The following NPR3 variants were observed in gnomAD, a reference collection of about 807,000 sequenced individuals.
NPR3 encodes the protein natriuretic peptide receptor 3.
NPR3 carries 34 observed loss-of-function variants against 54.5 expected under a neutral mutation model. That is an observed-to-expected ratio of 0.62 (90% CI 0.47 to 0.83). The LOEUF is 0.83. Ranked by LOEUF, NPR3 falls within the 40% of genes least tolerant of loss-of-function variation. The pLI is 0.00. For synonymous variants in NPR3, 289 were observed against 297.1 expected (o/e 0.97, Z 0.28); for missense variants, 674 against 720.8 (o/e 0.94, Z 0.74).
chr5:32,785,368 C>CT lies in NPR3; in HGVS notation c.1514+487dup, dbSNP rs553568634. 3.9e-5 allele frequency among the ~76,000 whole-genome samples: 6 copies of CT among 152,114 alleles called. No individual in the cohort carries two copies. In the East Asian group the frequency reaches 1.2e-3, roughly 29 times the overall value. Reference sequence around the variant, plus strand: ...GTTTCACCATGTTGGCCAGGTTGGTCTTGAACTCCTGACCTCCAGTGATCC... The same window carrying CT: ...GTTTCACCATGTTGGCCAGGTTGGTCTTTGAACTCCTGACCTCCAGTGATCC... On this transcript the variant is annotated intron_variant, in intron 7 of 7. Transcript: ENST00000265074.
At chr5:32,738,749 CT>C in intron 2 of NPR3, 114 bp from the exon 3 acceptor site, 1 of 837,388 alleles carries the variant, frequency 1.2e-6, no homozygotes, top group Non-Finnish European at 1.9e-6. Context: ...TATGACAATA[CT>C]TCTCTTCCTG....
At position 32,722,924 on chromosome 5, in the gene NPR3, T is replaced by A. The variant is rs574382844; in HGVS notation, c.770-1774T>A. Among the ~76,000 whole-genome samples the A allele has an allele frequency of 3.3e-5, 5 of 152,284 alleles. No individual in the cohort carries two copies. In the South Asian group the frequency reaches 1.0e-3, roughly 32 times the overall value. On this transcript the variant is annotated intron_variant, in intron 1 of 7. Coordinates refer to ENST00000265074, the MANE Select transcript of NPR3 (RefSeq NM_001204375.2). The stretch of plus-strand genomic sequence containing the variant: ...CTCCCATACTTGTAGATCTTTAATA[T>A]TTGTACTGTTTTAAAAACTTTTTCT...
intron 4 of NPR3, among the ~76,000 whole-genome samples, chr5:32,775,537 C>G (rs902773420): frequency 6.6e-6 from 1 of 152,058 alleles, no homozygotes; most frequent in Non-Finnish European, 1.5e-5. Flanking sequence ...CTCAGGTGAT[C>G]CACCCATCTC....
chr5:32,779,985 A>T (rs922389304), intron 4 of NPR3, among the ~76,000 whole-genome samples: 3 of 152,194 alleles, frequency 2.0e-5, no homozygotes, highest in African/African-American at 7.2e-5. Context: ...GTCCAAGGTC[A>T]TGGAGCTATG....
At position 32,791,383 on chromosome 5, in the gene NPR3, A is replaced by C. The variant is rs573149980; in HGVS notation, c.*5038A>C. On this transcript the variant is annotated 3_prime_UTR_variant, in exon 8 of 8. Transcript: ENST00000265074. ...TGATTTAAATACAGGACTACCAAACAGTACAAATCTATCATGAGTCTGGTA... is the reference window on the plus strand; with the variant it reads ...TGATTTAAATACAGGACTACCAAACCGTACAAATCTATCATGAGTCTGGTA... The C allele has an allele frequency of 2.0e-4, 34 of 167,244 alleles. No individual in the cohort carries two copies. Among genetic ancestry groups the C allele is most frequent in the African/African-American group, 7.0e-4 (29 of 41,586 alleles). The allele number at this position is 167,244 out of a possible 1,614,324, so 10.4% of individuals were successfully genotyped here.
chr5:32,692,114 G>C (rs72740626), intron 1 of NPR3, among the ~76,000 whole-genome samples: 31,375 of 152,160 alleles, frequency 0.21, 3,516 homozygotes, highest in Middle Eastern at 0.34. Flanking sequence ...TTGCAGATTG[G>C]AAATGAGAGT....
intron 3 of NPR3, among the ~76,000 whole-genome samples, chr5:32,750,985 T>C (rs1372823514): frequency 6.6e-6 from 1 of 152,250 alleles, no homozygotes; most frequent in Non-Finnish European, 1.5e-5. Flanking sequence ...TGTCTGGAGC[T>C]GTTTCCTCTA....
At chr5:32,778,834 A>C (rs919509474) in intron 4 of NPR3, among the ~76,000 whole-genome samples, 2 of 152,202 alleles carry the variant, frequency 1.3e-5, no homozygotes, top group Non-Finnish European at 2.9e-5. Flanking sequence ...TCATCTTATA[A>C]AATACTCTGC....
intron 3 of NPR3, among the ~76,000 whole-genome samples, chr5:32,751,788 G>A (rs574381317): frequency 6.6e-6 from 1 of 152,200 alleles, no homozygotes; most frequent in African/African-American, 2.4e-5. Flanking sequence ...GAAAGGGACT[G>A]GATTTAAAAA....
rs901273961 is a variant in NPR3, at chr5:32,790,641, T to G, written c.*4296T>G. On this transcript the variant is annotated 3_prime_UTR_variant, in exon 8 of 8. Transcript: ENST00000265074. Reference sequence around the variant, plus strand: ...TTGCAGGCATACCCCACAGCTAGACTGCAGGATTAAAATAACTTCCAAAAG... The same window carrying G: ...TTGCAGGCATACCCCACAGCTAGACGGCAGGATTAAAATAACTTCCAAAAG... 2 of 166,602 alleles carry G rather than the reference T, an allele frequency of 1.2e-5. No individual in the cohort carries two copies. The highest frequency in any genetic ancestry group is 2.4e-5 in the African/African-American group (1 of 41,456). The allele number at this position is 166,602 out of a possible 1,614,324, so 10.3% of individuals were successfully genotyped here. A position where few individuals can be genotyped will look rare whatever the true frequency, so the allele number is the denominator to read the frequency against.
Position 32,724,827 on chromosome 5 carries a change from C to T in NPR3, c.892+7C>T. ...TTCAACAGCTCTTCCTATGGTAACT[C>T]TGCTTCCACTTTCCCCTCCTCTGCT... On this transcript the variant is annotated splice_region_variant and intron_variant, in intron 2 of 7. Transcript: ENST00000265074. 6.2e-7 allele frequency: 1 copy of T among 1,613,782 alleles called. No homozygotes were observed. Among genetic ancestry groups the T allele is most frequent in the Non-Finnish European group, 8.5e-7 (1 of 1,179,842 alleles).
upstream of NPR3, among the ~76,000 whole-genome samples, chr5:32,705,419 C>T (rs373964938): frequency 6.6e-6 from 1 of 152,176 alleles, no homozygotes; most frequent in African/African-American, 2.4e-5. Context: ...TTAATTGGCT[C>T]ACAGTTCTAC....
intron 2 of NPR3, among the ~76,000 whole-genome samples, chr5:32,731,820 T>G (rs72740651): frequency 0.059 from 8,938 of 152,226 alleles, 303 homozygotes; most frequent in Non-Finnish European, 0.072. Flanking sequence ...TAAACAAATG[T>G]AGAGATTTAT....
In NPR3 at chr5:32,790,008, G is replaced by A. The variant is rs115294109; in HGVS notation, c.*3663G>A. 339 of 248,276 alleles carry A rather than the reference G, an allele frequency of 1.4e-3. 1 individual carries two copies. Among genetic ancestry groups the A allele is most frequent in the African/African-American group, 7.0e-3 (312 of 44,650 alleles). 15.4% of individuals were successfully genotyped at this position (248,276 alleles called of 1,614,324 possible). On this transcript the variant is annotated 3_prime_UTR_variant, in exon 8 of 8. Transcript: ENST00000265074. ...AATGTCAGCCCAAATTAGGCCCCTC[G>A]ACCTACAGACATTTCATGGGTTTTA... is the stretch of plus-strand genomic sequence containing the variant.
intron 3 of NPR3, among the ~76,000 whole-genome samples, chr5:32,751,589 G>GT (rs1313552704): frequency 1.6e-4 from 24 of 152,152 alleles, no homozygotes; most frequent in Non-Finnish European, 3.1e-4. Flanking sequence ...CCCGTAGCTT[G>GT]TTTTTTCTCC....
rs550686925 is a variant in NPR3, at chr5:32,784,924, T to C, written c.1514+41T>C. ...AAAGGTACAATTCACTCTCTTCTGC[T>C]GTCTTTGTCATTTGATTTTACATGA... On this transcript the variant is annotated intron_variant, in intron 7 of 7. Coordinates refer to ENST00000265074, the MANE Select transcript of NPR3 (RefSeq NM_001204375.2). 8 of 1,400,928 alleles carry C rather than the reference T, an allele frequency of 5.7e-6. No individual in the cohort carries two copies. The South Asian group carries it at 9.2e-5, about 16-fold the overall frequency. 86.8% of individuals were successfully genotyped at this position (1,400,928 alleles called of 1,614,324 possible). A position where few individuals can be genotyped will look rare whatever the true frequency, so the allele number is the denominator to read the frequency against.
At chr5:32,762,284 T>C (rs1224342624) in intron 3 of NPR3, among the ~76,000 whole-genome samples, 2 of 151,914 alleles carry the variant, frequency 1.3e-5, no homozygotes, top group African/African-American at 4.8e-5. Context: ...AGCAGAATAA[T>C]TTATAATCCT....
chr5:32,742,112 A>C (rs1740068441), intron 3 of NPR3, among the ~76,000 whole-genome samples: 1 of 151,560 alleles, frequency 6.6e-6, no homozygotes, highest in African/African-American at 2.4e-5. Flanking sequence ...TATTTGTGCT[A>C]ATGAGTTGTC....
chr5:32,762,517 T>C (rs1741231639), intron 3 of NPR3, among the ~76,000 whole-genome samples: 1 of 150,528 alleles, frequency 6.6e-6, no homozygotes, highest in Non-Finnish European at 1.5e-5. Flanking sequence ...CTCATTGTGG[T>C]TTTGATTTGC....
Sources: gnomAD v4.1 joint callset for allele counts (sites outside exome capture counted in the v4.1 genomes callset) on GRCh38, gnomAD v4.1.1 for gene constraint, MANE v1.5 for transcripts, NCBI Gene and HGNC (gene_info 2026-07-23, HGNC 2026-07-21) for gene names.